The following SPRR2G variants were observed in gnomAD, a reference collection of about 807,000 sequenced individuals.
The protein encoded by SPRR2G is small proline rich protein 2G, also known as small proline-rich protein 2G.
A neutral mutation model predicts 0.7 loss-of-function variants in SPRR2G; 1 was observed. That is an observed-to-expected ratio of 1.49 (90% CI 0.53 to 7.06). The LOEUF is 7.06. Ranked by LOEUF, SPRR2G falls within the 30% of genes most tolerant of loss-of-function variation. The probability of loss-of-function intolerance (pLI) is 0.14; values close to 1 mark genes in which losing one functional copy is unlikely to be tolerated. For synonymous variants in SPRR2G, 38 were observed against 33.9 expected, an observed-to-expected ratio of 1.12 and a Z score of -0.42; for missense variants, 96 against 88.5, an observed-to-expected ratio of 1.09 and a Z score of -0.34.
chr1:153,173,228 T>C, the SPRR2G span, among the ~76,000 whole-genome samples: 2 of 152,134 alleles, frequency 1.3e-5, no homozygotes, highest in Non-Finnish European at 2.9e-5. Flanking sequence ...ACCTGAGAAT[T>C]TGAGTGAAGG....
chr1:153,198,587 G>A, the SPRR2G span, among the ~76,000 whole-genome samples: 2 of 152,262 alleles, frequency 1.3e-5, no homozygotes, highest in Non-Finnish European at 2.9e-5. Context: ...TTTGGTGTGA[G>A]GTTGAGTAGG....
chr1:153,157,081 C>G, the SPRR2G span, among the ~76,000 whole-genome samples: 1 of 152,164 alleles, frequency 6.6e-6, no homozygotes, highest in African/African-American at 2.4e-5. Context: ...CCACTTTCTA[C>G]TGAATGCATA....
At chr1:153,181,225 A>G in the SPRR2G span, among the ~76,000 whole-genome samples, 1 of 152,114 alleles carries the variant, frequency 6.6e-6, no homozygotes, top group South Asian at 2.1e-4. Context: ...ACATTCTCCC[A>G]GAGTTTAGAA....
At chr1:153,202,945 A>G in the SPRR2G span, among the ~76,000 whole-genome samples, 1 of 152,216 alleles carries the variant, frequency 6.6e-6, no homozygotes, top group African/African-American at 2.4e-5. Context: ...TGAGAGGCAA[A>G]TCTTTGTGCC....
the SPRR2G span, among the ~76,000 whole-genome samples, chr1:153,185,356 T>C: frequency 4.2e-5 from 6 of 141,914 alleles, no homozygotes; most frequent in African/African-American, 1.6e-4. Flanking sequence ...TTTTTTTTTG[T>C]GGTTAGTAGG....
chr1:153,164,931 C>G, the SPRR2G span, among the ~76,000 whole-genome samples: 2 of 152,164 alleles, frequency 1.3e-5, no homozygotes, highest in East Asian at 1.9e-4. Context: ...ACACACTTCT[C>G]TCTTCTCCCT....
the SPRR2G span, among the ~76,000 whole-genome samples, chr1:153,159,072 C>A: frequency 6.6e-6 from 1 of 152,210 alleles, no homozygotes; most frequent in Admixed American, 6.5e-5. Context: ...CTGAAATACT[C>A]TGGAGACATT....
At position 153,149,963 on chromosome 1, in the gene SPRR2G, G is replaced by A. The variant is rs754945265; in HGVS notation, c.148C>T (p.Pro50Ser). The A allele has an allele frequency of 2.5e-6, 4 of 1,614,108 alleles. No homozygotes were observed. Among genetic ancestry groups the A allele is most frequent in the Middle Eastern group, 3.3e-4 (2 of 6,058 alleles). ...ACAGGAGGGCATTTATCCTGGCATGGTGGAGGTGGGCAATGCTCAGGTGGA... is the reference window on the plus strand; with the variant it reads ...ACAGGAGGGCATTTATCCTGGCATGATGGAGGTGGGCAATGCTCAGGTGGA... Reference protein sequence around the residue: ...PCPPEHCPPPPCQDKCPPVQP... With the variant: ...PCPPEHCPPPSCQDKCPPVQP... Residue 50 changes from proline to serine, a missense_variant, in exon 2 of 2, where the codon CCA (proline) becomes TCA (serine). By Grantham distance (74) the Pro-to-Ser change is moderately conservative. Coordinates refer to ENST00000368748, the MANE Select transcript of SPRR2G (RefSeq NM_001014291.4).
the SPRR2G span, among the ~76,000 whole-genome samples, chr1:153,170,716 C>T: frequency 3.9e-5 from 6 of 152,164 alleles, no homozygotes; most frequent in Admixed American, 2.6e-4. Flanking sequence ...TAAATCAGCT[C>T]AGGATCCCAC....
At chr1:153,155,002 C>A (rs1656553077), upstream of SPRR2G, among the ~76,000 whole-genome samples, 1 of 152,140 alleles carries the variant, frequency 6.6e-6, no homozygotes, top group Admixed American at 6.5e-5. Context: ...TTCATAATAT[C>A]CACTTAATAT....
chr1:153,162,726 A>C, the SPRR2G span, among the ~76,000 whole-genome samples: 1 of 152,172 alleles, frequency 6.6e-6, no homozygotes, highest in African/African-American at 2.4e-5. Flanking sequence ...AGCTCATATC[A>C]GATGTTATGT....
At chr1:153,152,708 C>T (rs1051242271), upstream of SPRR2G, among the ~76,000 whole-genome samples, 2 of 152,194 alleles carry the variant, frequency 1.3e-5, no homozygotes, top group African/African-American at 4.8e-5. Flanking sequence ...GGCACTTTCA[C>T]AGCGTTCTTT....
chr1:153,157,008 C>T, the SPRR2G span, among the ~76,000 whole-genome samples: 23 of 152,152 alleles, frequency 1.5e-4, no homozygotes, highest in African/African-American at 5.5e-4. Flanking sequence ...CAGGGTAAAC[C>T]ACATGGTAAA....
chr1:153,153,636 G>A (rs181112430), upstream of SPRR2G, among the ~76,000 whole-genome samples: 138 of 152,268 alleles, frequency 9.1e-4, 1 homozygote, highest in Non-Finnish European at 1.1e-3. Flanking sequence ...GGAAGGTAGA[G>A]AGGGTAGAAG....
the SPRR2G span, among the ~76,000 whole-genome samples, chr1:153,202,413 T>A: frequency 1.3e-5 from 2 of 152,342 alleles, no homozygotes; most frequent in African/African-American, 4.8e-5. Flanking sequence ...AGCTAAACTC[T>A]TGTCTCTTTG....
the SPRR2G span, among the ~76,000 whole-genome samples, chr1:153,182,080 ATTC>A: frequency 1.3e-5 from 2 of 151,954 alleles, no homozygotes; most frequent in African/African-American, 2.4e-5. Flanking sequence ...AGCATCTGTT[ATTC>A]TTCATCTTTT....
At chr1:153,178,515 T>C in the SPRR2G span, among the ~76,000 whole-genome samples, 1 of 152,184 alleles carries the variant, frequency 6.6e-6, no homozygotes, top group African/African-American at 2.4e-5. Flanking sequence ...AAGAGTTTTA[T>C]CCTCAATGCA....
At chr1:153,150,520 T>G (rs1656444331) in intron 1 of SPRR2G, among the ~76,000 whole-genome samples, 1 of 152,048 alleles carries the variant, frequency 6.6e-6, no homozygotes, top group Non-Finnish European at 1.5e-5. Context: ...AGCCATGAGT[T>G]TTTTAAGAGA....
chr1:153,152,210 C>A (rs569322297), upstream of SPRR2G, among the ~76,000 whole-genome samples: 7 of 152,228 alleles, frequency 4.6e-5, no homozygotes, highest in South Asian at 4.2e-4. Flanking sequence ...TAATTTCAAA[C>A]ATGTCAAAAA....
Sources: gnomAD v4.1 joint callset for allele counts (sites outside exome capture counted in the v4.1 genomes callset) on GRCh38, gnomAD v4.1.1 for gene constraint, MANE v1.5 for transcripts, NCBI Gene and HGNC (gene_info 2026-07-23, HGNC 2026-07-21) for gene names.